Variants in TXLNB observed in about 807,000 individuals in gnomAD.
TXLNB encodes beta-taxilin.
TXLNB carries 37 observed loss-of-function variants against 57.4 expected under a neutral mutation model. That is an observed-to-expected ratio of 0.64 (90% CI 0.50 to 0.85). The LOEUF (loss-of-function observed/expected upper bound fraction) is 0.85. Among genes scored for constraint, TXLNB ranks in the 40% least tolerant of loss-of-function variants. The pLI, the probability that TXLNB is intolerant of heterozygous loss-of-function variation, is 0.00. For missense variants in TXLNB, 848 were observed against 825.6 expected (o/e 1.03, Z -0.33); for synonymous variants, 302 against 309.6 (o/e 0.98, Z 0.26).
chr6:139,293,530 G>A (rs1777340937), upstream of TXLNB, among the ~76,000 whole-genome samples: 1 of 151,006 alleles, frequency 6.6e-6, no homozygotes, highest in Non-Finnish European at 1.5e-5. Context: ...AGCCTCCAGA[G>A]GGATGCAATC....
chr6:139,323,437 C>T, the TXLNB span, among the ~76,000 whole-genome samples: 1 of 151,852 alleles, frequency 6.6e-6, no homozygotes, highest in Admixed American at 6.5e-5. Context: ...TGCGTGCCAC[C>T]ACGCCCAGCT....
the TXLNB span, chr6:139,166,941 C>T: frequency 3.7e-6 from 6 of 1,614,146 alleles, no homozygotes; most frequent in Non-Finnish European, 5.1e-6. Context: ...CACAAGAAGG[C>T]CATGGCTGGG....
At chr6:139,191,780 AG>A in the TXLNB span, among the ~76,000 whole-genome samples, 8 of 152,146 alleles carry the variant, frequency 5.3e-5, no homozygotes, top group Non-Finnish European at 1.0e-4. Context: ...AGTTGTGTTG[AG>A]TTCATTCAGA....
the TXLNB span, chr6:139,170,459 G>T: frequency 6.6e-6 from 1 of 152,180 alleles, no homozygotes; most frequent in Non-Finnish European, 1.5e-5. Flanking sequence ...ACTTTGGCTT[G>T]GTTCGTAAAA....
At chr6:139,226,515 C>A in the TXLNB span, among the ~76,000 whole-genome samples, 1 of 151,530 alleles carries the variant, frequency 6.6e-6, no homozygotes, top group East Asian at 1.9e-4. Context: ...AAAGGTAAAC[C>A]ACAGCATAGC....
chr6:139,176,895 T>C, the TXLNB span: 1 of 842,108 alleles, frequency 1.2e-6, no homozygotes, highest in Non-Finnish European at 2.1e-6. This position sits in a 1 kb window ranked among gnomAD's most constrained non-coding sequence, Gnocchi z 4.5. Context: ...TGACAAGTGT[T>C]GGGAAGTGGA....
the TXLNB span, chr6:139,234,059 A>T: frequency 1.5e-4 from 23 of 152,330 alleles, no homozygotes; most frequent in East Asian, 4.2e-3. Flanking sequence ...TAGCAAAGAG[A>T]CTGGCAGCAT....
the TXLNB span, among the ~76,000 whole-genome samples, chr6:139,322,856 C>T: frequency 6.6e-6 from 1 of 152,224 alleles, no homozygotes; most frequent in Non-Finnish European, 1.5e-5. Context: ...GTCTCCTCCT[C>T]TTGCCTGTAT....
the TXLNB span, among the ~76,000 whole-genome samples, chr6:139,314,155 G>A: frequency 1.3e-5 from 2 of 152,182 alleles, no homozygotes; most frequent in Non-Finnish European, 2.9e-5. Context: ...CTCTTGTGGG[G>A]AAAATCTACA....
At chr6:139,184,099 A>G in the TXLNB span, among the ~76,000 whole-genome samples, 1 of 152,348 alleles carries the variant, frequency 6.6e-6, no homozygotes, top group East Asian at 1.9e-4. Flanking sequence ...ATGAGCAGAC[A>G]TGGCTGCTTA....
At chr6:139,314,782 C>T in the TXLNB span, among the ~76,000 whole-genome samples, 1 of 152,106 alleles carries the variant, frequency 6.6e-6, no homozygotes, top group African/African-American at 2.4e-5. Flanking sequence ...CAGACCTAAC[C>T]AACTCCATCT....
At chr6:139,283,165 C>T (rs1344253298) in intron 2 of TXLNB, 1 of 143,354 alleles carries the variant, frequency 7.0e-6, no homozygotes, top group South Asian at 2.4e-4. Flanking sequence ...CCAACTGCTC[C>T]GGTAAGTACT....
At chr6:139,223,224 G>A in the TXLNB span, among the ~76,000 whole-genome samples, 15 of 152,214 alleles carry the variant, frequency 9.9e-5, no homozygotes, top group East Asian at 7.7e-4. Flanking sequence ...TGTGAAAGAC[G>A]AAATCACAGA....
chr6:139,166,422 G>A, the TXLNB span: 1 of 1,614,236 alleles, frequency 6.2e-7, no homozygotes, highest in Non-Finnish European at 8.5e-7. Flanking sequence ...TTCTACGAGT[G>A]GGAGAGCAGC....
chr6:139,302,027 T>C, the TXLNB span, among the ~76,000 whole-genome samples: 5 of 152,230 alleles, frequency 3.3e-5, no homozygotes, highest in East Asian at 9.7e-4. Context: ...CAAAAATATA[T>C]ATATATTCTT....
At chr6:139,308,047 A>C in the TXLNB span, among the ~76,000 whole-genome samples, 10 of 101,768 alleles carry the variant, frequency 9.8e-5, no homozygotes, top group Non-Finnish European at 1.8e-4. Context: ...TCTGCATGCG[A>C]GATTTCAGAA....
the TXLNB span, among the ~76,000 whole-genome samples, chr6:139,206,501 T>G: frequency 6.6e-6 from 1 of 152,142 alleles, no homozygotes; most frequent in Non-Finnish European, 1.5e-5. Flanking sequence ...ACCCCATCTC[T>G]ACTAAAAACA....
chr6:139,249,622 G>C (rs572746300), intron 7 of TXLNB, among the ~76,000 whole-genome samples: 9 of 152,064 alleles, frequency 5.9e-5, no homozygotes, highest in African/African-American at 9.7e-5. Context: ...TTGGGGTGTG[G>C]GTGTGAGAGG....
At chr6:139,166,460 C>T in the TXLNB span, 4 of 1,614,044 alleles carry the variant, frequency 2.5e-6, no homozygotes, top group African/African-American at 1.3e-5. Context: ...CTGCATCGGC[C>T]GCGCGCGCAG....
Sources: gnomAD v4.1 joint callset for allele counts (sites outside exome capture counted in the v4.1 genomes callset) on GRCh38, gnomAD v4.1.1 for gene constraint, Gnocchi (gnomAD v3.1) non-coding constraint, MANE v1.5 for transcripts, NCBI Gene and HGNC (gene_info 2026-07-23, HGNC 2026-07-21) for gene names.